Variants in CHSY3 observed in about 807,000 individuals in gnomAD.
CHSY3 encodes the protein N-acetylgalactosaminyl-proteoglycan 3-beta-glucuronosyltransferase 3.
In CHSY3, 35 loss-of-function variants were observed where a neutral mutation model predicts 67.2. The observed-to-expected ratio is 0.52, with a 90% CI of 0.40 to 0.69. The LOEUF (loss-of-function observed/expected upper bound fraction) is 0.69. CHSY3 is among the 30% of genes least tolerant of loss of function. The pLI is 0.00. For missense variants in CHSY3, 1,069 were observed against 1,138.5 expected (o/e 0.94, Z 0.88); for synonymous variants, 474 against 434.7 (o/e 1.09, Z -1.12).
At chr5:129,921,193 C>T (rs1352673368) in intron 2 of CHSY3, among the ~76,000 whole-genome samples, 2 of 152,088 alleles carry the variant, frequency 1.3e-5, no homozygotes, top group Non-Finnish European at 2.9e-5. Context: ...CTTTGGCATA[C>T]CAAAATTGCC....
chr5:130,067,293 A>G (rs952220372), intron 2 of CHSY3, among the ~76,000 whole-genome samples: 11 of 152,060 alleles, frequency 7.2e-5, no homozygotes, highest in African/African-American at 2.7e-4. Context: ...AGCATTTTAT[A>G]TTTTCATTAG....
chr5:129,906,694 G>A (rs1023420139), intron 1 of CHSY3, among the ~76,000 whole-genome samples: 1 of 152,210 alleles, frequency 6.6e-6, no homozygotes, highest in Non-Finnish European at 1.5e-5. Flanking sequence ...AAGCAGCAGG[G>A]TTGTACCGAA....
In CHSY3 at chr5:130,183,605, A is replaced by G. The variant is rs1182836826; in HGVS notation, c.1087-624A>G. Among the ~76,000 whole-genome samples, 22 of 152,122 alleles carry G rather than the reference A, an allele frequency of 1.4e-4. No homozygotes were observed. The East Asian group carries it at 2.1e-3, about 15-fold the overall frequency. Reference sequence around the variant, plus strand: ...TGTTATGGGGTTATGGACACAGTCAATTGTTGTTTTATGTATAGCTAGAGG... The same window carrying G: ...TGTTATGGGGTTATGGACACAGTCAGTTGTTGTTTTATGTATAGCTAGAGG... On this transcript the variant is annotated intron_variant, in intron 2 of 2. Coordinates refer to ENST00000305031, the MANE Select transcript of CHSY3 (RefSeq NM_175856.5).
intron 2 of CHSY3, among the ~76,000 whole-genome samples, chr5:130,129,153 A>G (rs968274153): frequency 1.5e-4 from 23 of 152,160 alleles, no homozygotes; most frequent in African/African-American, 3.9e-4. Context: ...TCTTTGTTGT[A>G]TTATTCTCCA....
chr5:129,955,522 A>ATTT (rs1762146374), intron 2 of CHSY3, among the ~76,000 whole-genome samples: 2 of 146,284 alleles, frequency 1.4e-5, no homozygotes, highest in South Asian at 4.3e-4. Flanking sequence ...AGATATATGT[A>ATTT]TTTATTATTA....
rs78391857 is a variant in CHSY3, at chr5:130,184,297, C to T, written c.1155C>T (p.Ser385=). Residue 385 remains serine (S), a synonymous_variant, in exon 3 of 3, where the codon AGC becomes AGT. Coordinates refer to ENST00000305031, the MANE Select transcript of CHSY3 (RefSeq NM_175856.5). ...GTTACATCCAAGACCTTCACAATAG[C>T]AAAATCCATGCAGCCATAACACTTC... ...RKGYIQDLHN[S]KIHAAITLHP... 1 of 1,613,664 alleles carries T rather than the reference C, an allele frequency of 6.2e-7. No homozygotes were observed. The highest frequency in any genetic ancestry group is 2.2e-5 in the East Asian group (1 of 44,852).
intron 2 of CHSY3, among the ~76,000 whole-genome samples, chr5:130,164,322 G>T (rs543757205): frequency 6.6e-6 from 1 of 152,202 alleles, no homozygotes; most frequent in East Asian, 1.9e-4. Flanking sequence ...TTGTAAAAAA[G>T]AAATAAAATT....
chr5:129,951,586 C>T (rs1580571365), intron 2 of CHSY3, among the ~76,000 whole-genome samples: 1 of 152,164 alleles, frequency 6.6e-6, no homozygotes, highest in African/African-American at 2.4e-5. Context: ...TCATCTTTCT[C>T]CCTGGTGATT....
chr5:129,971,673 C>T (rs1762644248), intron 2 of CHSY3, among the ~76,000 whole-genome samples: 1 of 151,912 alleles, frequency 6.6e-6, no homozygotes, highest in South Asian at 2.1e-4. Context: ...TTTCAAACCC[C>T]TAATGTGTTA....
intron 2 of CHSY3, among the ~76,000 whole-genome samples, chr5:130,046,535 G>C (rs1257721318): frequency 1.3e-5 from 2 of 152,092 alleles, no homozygotes; most frequent in Non-Finnish European, 2.9e-5. Flanking sequence ...TGTACCTACA[G>C]AGACAGATTT....
intron 2 of CHSY3, among the ~76,000 whole-genome samples, chr5:130,121,876 G>A (rs1178797579): frequency 6.6e-6 from 1 of 151,992 alleles, no homozygotes; most frequent in Non-Finnish European, 1.5e-5. Context: ...ACATGTAATG[G>A]GCTGACCACC....
intron 2 of CHSY3, among the ~76,000 whole-genome samples, chr5:130,172,733 G>T (rs568013616): frequency 1.3e-5 from 2 of 152,116 alleles, no homozygotes. Flanking sequence ...CTGAAACTCC[G>T]TGCCTGAACA....
chr5:130,122,231 C>T (rs917379), intron 2 of CHSY3, among the ~76,000 whole-genome samples: 26,202 of 151,976 alleles, frequency 0.17, 2,676 homozygotes, highest in East Asian at 0.31. Flanking sequence ...ATTTAGACAT[C>T]CTTCAATTTG....
At chr5:130,092,791 C>T (rs1766922658) in intron 2 of CHSY3, among the ~76,000 whole-genome samples, 1 of 151,994 alleles carries the variant, frequency 6.6e-6, no homozygotes, top group South Asian at 2.1e-4. Flanking sequence ...TCTCCCTGAC[C>T]AACTAAAATT....
chr5:130,161,847 T>C (rs1460199074), intron 2 of CHSY3, among the ~76,000 whole-genome samples: 39 of 152,102 alleles, frequency 2.6e-4, no homozygotes, highest in South Asian at 4.2e-4. Context: ...GAGACTAGCC[T>C]GGGAAACATA....
intron 2 of CHSY3, among the ~76,000 whole-genome samples, chr5:130,048,057 G>T (rs1034337897): frequency 4.1e-5 from 6 of 147,512 alleles, no homozygotes; most frequent in Middle Eastern, 3.4e-3. Context: ...TTTAAAAAAC[G>T]GGAAGGAAAA....
At chr5:130,066,035 CCTT>C (rs1765874462) in intron 2 of CHSY3, among the ~76,000 whole-genome samples, 3 of 152,056 alleles carry the variant, frequency 2.0e-5, no homozygotes, top group Admixed American at 6.6e-5. Context: ...TTGGAACACA[CCTT>C]CTTCTGAGAC....
chr5:130,141,431 G>A (rs1352180528), intron 2 of CHSY3: 8 of 364,592 alleles, frequency 2.2e-5, no homozygotes, highest in African/African-American at 6.4e-5. Context: ...ATCCCATGGT[G>A]TTCCTTTGAT....
intron 2 of CHSY3, among the ~76,000 whole-genome samples, chr5:130,112,875 A>T (rs1561541903): frequency 6.6e-6 from 1 of 152,118 alleles, no homozygotes; most frequent in Non-Finnish European, 1.5e-5. Flanking sequence ...TCCCTTTTAG[A>T]TCTTTTATTT....
Sources: allele counts gnomAD v4.1 joint callset (sites outside exome capture counted in the v4.1 genomes callset), GRCh38; gene constraint gnomAD v4.1.1; transcripts MANE v1.5; gene names NCBI Gene and HGNC (gene_info 2026-07-23, HGNC 2026-07-21).